HTR2C: variants seen among roughly 807,000 people sequenced by gnomAD.
HTR2C encodes the protein 5-hydroxytryptamine (serotonin) receptor 2C, G protein-coupled.
Under a neutral mutation model 21.0 loss-of-function variants are expected in HTR2C, and 5 were observed. The ratio of observed to expected loss-of-function variants is 0.24; its 90% CI spans 0.12 to 0.50. HTR2C has a LOEUF of 0.50. Ranked by LOEUF, HTR2C falls within the 20% of genes least tolerant of loss-of-function variation. The probability of loss-of-function intolerance (pLI) is 0.98; values close to 1 mark genes in which losing one functional copy is unlikely to be tolerated. For missense variants in HTR2C, 271 were observed against 371.2 expected, an observed-to-expected ratio of 0.73 and a Z score of 2.22; for synonymous variants, 150 against 145.3, an observed-to-expected ratio of 1.03 and a Z score of -0.23.
chrX:114,845,597 C>G (rs1300587528), intron 4 of HTR2C, among the ~76,000 whole-genome samples: 1 of 108,596 alleles, frequency 9.2e-6, no homozygotes, highest in African/African-American at 3.4e-5. Flanking sequence ...TTGAAAAGAT[C>G]AAAAAAGTTG....
At chrX:114,641,899 C>A (rs1021113686) in intron 2 of HTR2C, among the ~76,000 whole-genome samples, 5 of 110,897 alleles carry the variant, frequency 4.5e-5, no homozygotes, top group Non-Finnish European at 7.5e-5. Context: ...CCCTTACCCC[C>A]ACTCCCCGGC....
intron 2 of HTR2C, among the ~76,000 whole-genome samples, chrX:114,719,818 C>A (rs1933125497): frequency 1.8e-5 from 2 of 111,076 alleles, no homozygotes; most frequent in African/African-American, 6.5e-5. Flanking sequence ...TTTTGAGTAA[C>A]AGTAATGGAA....
chrX:114,727,306 G>A (rs943725660), intron 3 of HTR2C, among the ~76,000 whole-genome samples: 78 of 111,766 alleles, frequency 7.0e-4, no homozygotes, highest in African/African-American at 2.5e-3. Context: ...CTTCTTGCAT[G>A]AACTGAACAG....
intron 2 of HTR2C, among the ~76,000 whole-genome samples, chrX:114,631,444 C>CA (rs782610383): frequency 2.9e-3 from 323 of 112,041 alleles, no homozygotes; most frequent in Non-Finnish European, 4.2e-3. Context: ...CTCTTAGACT[C>CA]AGTGTCCTAG....
At chrX:114,630,793 T>C (rs1483174398) in intron 2 of HTR2C, 1 of 360,700 alleles carries the variant, frequency 2.8e-6, no homozygotes, top group African/African-American at 2.6e-5. Context: ...AGCTCTGCTG[T>C]CTACAGCACT....
chrX:114,709,049 T>C (rs1219914728), intron 2 of HTR2C, among the ~76,000 whole-genome samples: 2 of 111,966 alleles, frequency 1.8e-5, no homozygotes, highest in Non-Finnish European at 3.8e-5. Context: ...AAGCCACAGC[T>C]AAAAGCTATC....
chrX:114,734,256 G>A lies in HTR2C; in HGVS notation c.349+2649G>A, dbSNP rs782749122. Among the ~76,000 whole-genome samples the A allele has an allele frequency of 3.5e-3, 392 of 111,374 alleles. 1 individual carries two copies. Among genetic ancestry groups the A allele is most frequent in the Non-Finnish European group, 5.4e-3 (286 of 52,999 alleles). Reference sequence around the variant, plus strand: ...GAAGAAAGAAGTAAAATATGTTAGAGTGTGGTTGAAATAGAATATCAGCAA... The same window carrying A: ...GAAGAAAGAAGTAAAATATGTTAGAATGTGGTTGAAATAGAATATCAGCAA... On this transcript the variant is annotated intron_variant, in intron 4 of 5. Transcript: ENST00000276198.
chrX:114,771,929 G>A (rs2070008198), intron 4 of HTR2C, among the ~76,000 whole-genome samples: 1 of 112,030 alleles, frequency 8.9e-6, no homozygotes, highest in South Asian at 3.7e-4. Context: ...GTGTTCTAAG[G>A]ATGGGGCTTT....
chrX:114,812,484 C>T (rs1388787439), intron 4 of HTR2C, among the ~76,000 whole-genome samples: 2 of 110,815 alleles, frequency 1.8e-5, no homozygotes, highest in Non-Finnish European at 3.8e-5. Context: ...AATCCCAGGA[C>T]TTTGGGAGGC....
At chrX:114,897,484 G>C (rs1407780659) in intron 5 of HTR2C, among the ~76,000 whole-genome samples, 3 of 110,800 alleles carry the variant, frequency 2.7e-5, no homozygotes, top group Non-Finnish European at 5.7e-5. Flanking sequence ...TCCCATGGTG[G>C]TTTGCTACAC....
chrX:114,839,875 C>T (rs1339826778), intron 4 of HTR2C, among the ~76,000 whole-genome samples: 3 of 110,539 alleles, frequency 2.7e-5, no homozygotes, highest in East Asian at 2.8e-4. Flanking sequence ...ACATTTAAAC[C>T]GTGCTTGCCT....
chrX:114,813,355 A>C (rs2070553260), intron 4 of HTR2C, among the ~76,000 whole-genome samples: 1 of 111,937 alleles, frequency 8.9e-6, no homozygotes, highest in Non-Finnish European at 1.9e-5. Context: ...CAGACAGTTG[A>C]ATTCAAATTC....
chrX:114,737,204 C>T (rs1240411499), intron 4 of HTR2C, among the ~76,000 whole-genome samples: 1 of 103,510 alleles, frequency 9.7e-6, no homozygotes, highest in Non-Finnish European at 2.0e-5. Flanking sequence ...AAATTAAACT[C>T]CTGGCTTTTT....
At chrX:114,664,465 C>A (rs1556410635) in intron 2 of HTR2C, among the ~76,000 whole-genome samples, 1 of 111,610 alleles carries the variant, frequency 9.0e-6, no homozygotes, top group African/African-American at 3.3e-5. Context: ...TGAGAACATG[C>A]AGTGTTTTGG....
chrX:114,905,705 T>C (rs1353986571), intron 5 of HTR2C, among the ~76,000 whole-genome samples: 1 of 111,852 alleles, frequency 8.9e-6, no homozygotes, highest in Non-Finnish European at 1.9e-5. Context: ...TTTATCTCTA[T>C]GTATTGATGC....
intron 4 of HTR2C, among the ~76,000 whole-genome samples, chrX:114,808,225 T>C (rs1344969469): frequency 9.0e-6 from 1 of 111,428 alleles, no homozygotes; most frequent in African/African-American, 3.3e-5. Flanking sequence ...CATGTGAAGT[T>C]TGTCTTTCTG....
chrX:114,707,604 A>G (rs188380396), intron 2 of HTR2C, among the ~76,000 whole-genome samples: 4 of 111,051 alleles, frequency 3.6e-5, no homozygotes, highest in African/African-American at 9.8e-5. Context: ...AGCTTCTTTT[A>G]AAGATGAAGG....
intron 2 of HTR2C, among the ~76,000 whole-genome samples, chrX:114,634,131 T>C (rs893023987): frequency 9.1e-6 from 1 of 110,341 alleles, no homozygotes; most frequent in Admixed American, 9.8e-5. Flanking sequence ...TACTCTTAAA[T>C]AGAGAGTTTA....
intron 2 of HTR2C, among the ~76,000 whole-genome samples, chrX:114,710,433 T>G (rs1199765265): frequency 2.7e-5 from 1 of 37,353 alleles, no homozygotes; most frequent in African/African-American, 5.7e-5. Flanking sequence ...GAGATAGTGA[T>G]GAGGAGTGAA....
Sources: allele counts gnomAD v4.1 joint callset (sites outside exome capture counted in the v4.1 genomes callset), GRCh38; gene constraint gnomAD v4.1.1; transcripts MANE v1.5; gene names NCBI Gene and HGNC (gene_info 2026-07-23, HGNC 2026-07-21).